The following NWD1 variants were observed in gnomAD, a reference collection of about 807,000 sequenced individuals.
The protein encoded by NWD1 is NACHT and WD repeat domain containing 1.
Under a neutral mutation model 135.1 loss-of-function variants are expected in NWD1, and 129 were observed. The ratio of observed to expected loss-of-function variants is 0.96; its 90% confidence interval spans 0.83 to 1.11. The LOEUF is 1.11. Among genes scored for constraint, NWD1 ranks in the 50% least tolerant of loss-of-function variants. The pLI is 0.00. For missense variants in NWD1, 1,740 were observed against 1,851.3 expected, an observed-to-expected ratio of 0.94 and a Z score of 1.10; for synonymous variants, 773 against 786.0, an observed-to-expected ratio of 0.98 and a Z score of 0.28.
At chr19:16,786,390 A>G (rs1385964456) in intron 12 of NWD1, among the ~76,000 whole-genome samples, 2 of 152,032 alleles carry the variant, frequency 1.3e-5, no homozygotes, top group African/African-American at 4.8e-5. Flanking sequence ...TGTCTGCTAC[A>G]TGGGTATATT....
chr19:16,744,214 C>A (rs1418275127), intron 4 of NWD1, among the ~76,000 whole-genome samples: 1 of 151,872 alleles, frequency 6.6e-6, no homozygotes, highest in Non-Finnish European at 1.5e-5. Flanking sequence ...TGTAGTGAGA[C>A]CCTATCTGTA....
At chr19:16,790,094 A>G (rs1444555388) in intron 13 of NWD1, among the ~76,000 whole-genome samples, 2 of 152,292 alleles carry the variant, frequency 1.3e-5, no homozygotes, top group East Asian at 3.9e-4. Context: ...CATTACATCA[A>G]TCATAACCCT....
In NWD1 at chr19:16,816,155, G is replaced by A. The variant is rs1428145965; in HGVS notation, c.*1116G>A. ...CCTGGGTGAGCAGCAGGGAGAGACA[G>A]AGACTGGACATGTGGAAGGCAGAGA... On this transcript the variant is annotated 3_prime_UTR_variant, in exon 19 of 19. Coordinates refer to ENST00000524140, the MANE Select transcript of NWD1 (RefSeq NM_001007525.5). 1 of 152,256 alleles carries A rather than the reference G, an allele frequency of 6.6e-6. No homozygotes were observed. The highest frequency in any genetic ancestry group is 2.4e-5 in the African/African-American group (1 of 41,456). 9.4% of individuals were successfully genotyped at this position (152,256 alleles called of 1,614,324 possible). A position where few individuals can be genotyped will look rare whatever the true frequency, so the allele number is the denominator to read the frequency against.
rs942273462 is a variant in NWD1 at position 16,773,274 on chromosome 19, C to T, written c.2559C>T (p.Leu853=). The T allele has an allele frequency of 5.8e-5, 93 of 1,613,302 alleles. No individual in the cohort carries two copies. The highest frequency in any genetic ancestry group is 7.6e-5 in the Non-Finnish European group (90 of 1,180,002). Reference sequence around the variant, plus strand: ...TGCTGGTGCCCCTCGGAGGATTCCTCCAGCCCCCGGGAGGACCCCTCCGGG... The same window carrying T: ...TGCTGGTGCCCCTCGGAGGATTCCTTCAGCCCCCGGGAGGACCCCTCCGGG... ...HPVLVPLGGF[L]QPPGGPLRAT... Residue 853 remains leucine (L), a synonymous_variant, in exon 11 of 19, where the codon CTC becomes CTT. Transcript: ENST00000524140.
intron 8 of NWD1, among the ~76,000 whole-genome samples, chr19:16,763,112 C>T (rs1425449688): frequency 6.6e-6 from 1 of 152,034 alleles, no homozygotes; most frequent in East Asian, 1.9e-4. Flanking sequence ...CCCTTCTCTT[C>T]TCCCCCCGAG....
chr19:16,799,995 A>G lies in NWD1; in HGVS notation c.3569A>G (p.Gln1190Arg), dbSNP rs1350937619. 2 of 1,614,012 alleles carry G rather than the reference A, an allele frequency of 1.2e-6. No homozygotes were observed. Among genetic ancestry groups the G allele is most frequent in the Admixed American group, 3.3e-5 (2 of 59,992 alleles). The change falls in exon 17 of 19, where the codon CAG becomes CGG. Residue 1190 changes from glutamine (Q) to arginine (R), a missense_variant. Transcript: ENST00000524140. ...GGALVASASP[Q>R]SSSFKVWDLS... is the part of the protein sequence containing the mutation. Reference sequence around the variant, plus strand: ...GCTTTGGTGGCATCTGCTTCCCCACAGTCCTCATCTTTCAAGGTCTGGGAT... The same window carrying G: ...GCTTTGGTGGCATCTGCTTCCCCACGGTCCTCATCTTTCAAGGTCTGGGAT...
chr19:16,742,681 A>G (rs1238999097), intron 4 of NWD1, among the ~76,000 whole-genome samples: 1 of 151,758 alleles, frequency 6.6e-6, no homozygotes, highest in Admixed American at 6.6e-5. Context: ...AATTGTATAT[A>G]TATTTTGAGA....
intron 18 of NWD1, chr19:16,812,940 C>T (rs1970970321): frequency 5.3e-6 from 4 of 760,978 alleles, no homozygotes; most frequent in Non-Finnish European, 9.8e-6. Context: ...GGGCCCTGCT[C>T]TGGCCACCTC....
In NWD1 at chr19:16,800,029, T is replaced by G. The variant is rs1380302019; in HGVS notation, c.3603T>G (p.Asp1201Glu). ...SSSFKVWDLS[D>E]AHRSRVPAPF... ...CTTTCAAGGTCTGGGATCTCAGCGATGCTCATAGGTCCCGGGTGCCTGCAC... is the reference window on the plus strand; with the variant it reads ...CTTTCAAGGTCTGGGATCTCAGCGAGGCTCATAGGTCCCGGGTGCCTGCAC... The change falls in exon 17 of 19, where the codon GAT becomes GAG. Residue 1201 changes from aspartate to glutamate, a missense_variant. Physicochemically the swap from Asp to Glu is conservative, Grantham distance 45. Transcript: ENST00000524140. 2 of 1,614,144 alleles carry G rather than the reference T, an allele frequency of 1.2e-6. No individual in the cohort carries two copies. Among genetic ancestry groups the G allele is most frequent in the South Asian group, 2.2e-5 (2 of 91,096 alleles).
At chr19:16,746,370 A>G (rs771253076) in intron 5 of NWD1, among the ~76,000 whole-genome samples, 3 of 147,684 alleles carry the variant, frequency 2.0e-5, no homozygotes, top group Admixed American at 6.8e-5. Context: ...AAACAAACAA[A>G]CAAAGAAACA....
chr19:16,769,942 G>T (rs1239572059), intron 10 of NWD1, among the ~76,000 whole-genome samples: 2 of 152,052 alleles, frequency 1.3e-5, no homozygotes, highest in Non-Finnish European at 2.9e-5. Context: ...GGCTCCAGTG[G>T]TCCTCTCACC....
intron 5 of NWD1, among the ~76,000 whole-genome samples, chr19:16,748,518 G>A (rs1217488769): frequency 7.2e-5 from 11 of 151,912 alleles, no homozygotes; most frequent in Admixed American, 7.2e-4. Context: ...TACCCTGAGG[G>A]GTCTTTGATT....
chr19:16,779,242 G>C, intron 11 of NWD1, 101 bp from the exon 12 acceptor site: 1 of 1,374,898 alleles, frequency 7.3e-7, no homozygotes, highest in Non-Finnish European at 1.0e-6. Flanking sequence ...CTGTGCCTCA[G>C]TTGTCTTATC....
Position 16,763,697 on chromosome 19 carries a change from G to T in NWD1, c.2134-131G>T, listed in dbSNP as rs116872534. The T allele has an allele frequency of 1.3e-3, 843 of 667,220 alleles. 15 individuals carry two copies. The East Asian group carries it at 0.021, about 17-fold the overall frequency. The allele number at this position is 667,220 out of a possible 1,614,324, so 41.3% of individuals were successfully genotyped here. ...AGCCCTGACCAATGGGCACATGGGGGTATGTCTGTCTTCCATTGCATTCTC... is the reference window on the plus strand; with the variant it reads ...AGCCCTGACCAATGGGCACATGGGGTTATGTCTGTCTTCCATTGCATTCTC... On this transcript the variant is annotated intron_variant, in intron 8 of 18. Coordinates refer to ENST00000524140, the MANE Select transcript of NWD1 (RefSeq NM_001007525.5).
chr19:16,788,957 T>C (rs778692848), intron 12 of NWD1, 25 bp from the exon 13 acceptor site: 9 of 1,578,846 alleles, frequency 5.7e-6, no homozygotes, highest in Non-Finnish European at 7.0e-6. Context: ...GCTAATATAC[T>C]CTCCCCTACC....
In NWD1 at chr19:16,779,450, C is replaced by A; in HGVS notation, c.2716C>A (p.Leu906Ile). The change falls in exon 12 of 19, where the codon CTA becomes ATA. Residue 906 changes from leucine (L) to isoleucine (I), a missense_variant. Leu to Ile is a conservative substitution (Grantham distance 5). Coordinates refer to ENST00000524140, the MANE Select transcript of NWD1 (RefSeq NM_001007525.5). ...GGAAGAGCAGCATGTGATCCACATG[C>A]TAACTGGACACACAGGTGAGACTTG... Reference protein sequence around the residue: ...DMEEQHVIHMLTGHTGEVRCV... With the variant: ...DMEEQHVIHMITGHTGEVRCV... 6.2e-7 allele frequency: 1 copy of A among 1,613,360 alleles called. No homozygotes were observed. The highest frequency in any genetic ancestry group is 8.5e-7 in the Non-Finnish European group (1 of 1,179,966).
At chr19:16,780,296 C>T (rs1969811963) in intron 12 of NWD1, among the ~76,000 whole-genome samples, 1 of 152,020 alleles carries the variant, frequency 6.6e-6, no homozygotes, top group African/African-American at 2.4e-5. Flanking sequence ...GCTGGGACTA[C>T]AGGCGCCCGC....
intron 4 of NWD1, among the ~76,000 whole-genome samples, chr19:16,742,767 T>C (rs1035763755): frequency 1.3e-5 from 2 of 151,342 alleles, no homozygotes; most frequent in Non-Finnish European, 2.9e-5. Context: ...GCCTCCAGGG[T>C]TCAAGCGATT....
chr19:16,724,051 C>G (rs1967236721), intron 1 of NWD1, among the ~76,000 whole-genome samples: 1 of 152,132 alleles, frequency 6.6e-6, no homozygotes, highest in Admixed American at 6.6e-5. Flanking sequence ...CTTGAGGGTG[C>G]TCTTGGGGAA....
Sources: allele counts gnomAD v4.1 joint callset (sites outside exome capture counted in the v4.1 genomes callset), GRCh38; gene constraint gnomAD v4.1.1; transcripts MANE v1.5; gene names NCBI Gene and HGNC (gene_info 2026-07-23, HGNC 2026-07-21).